Variants in CHIC2 observed in about 807,000 individuals in gnomAD.
The protein encoded by CHIC2 is cysteine-rich hydrophobic domain-containing protein 2.
A neutral mutation model predicts 25.9 loss-of-function variants in CHIC2; 14 were observed. The ratio of observed to expected loss-of-function variants is 0.54; its 90% confidence interval spans 0.36 to 0.85. The LOEUF (loss-of-function observed/expected upper bound fraction) is 0.85, where lower values mean the gene tolerates loss of function less well. CHIC2 is among the 40% of genes least tolerant of loss of function. The probability of loss-of-function intolerance (pLI) is 0.01; values close to 1 mark genes in which losing one functional copy is unlikely to be tolerated. For synonymous variants in CHIC2, 70 were observed against 72.0 expected, an observed-to-expected ratio of 0.97 and a Z score of 0.14; for missense variants, 146 against 202.0, an observed-to-expected ratio of 0.72 and a Z score of 1.68.
At chr4:54,033,032 CAT>C (rs898077415) in intron 3 of CHIC2, among the ~76,000 whole-genome samples, 3 of 152,156 alleles carry the variant, frequency 2.0e-5, no homozygotes, top group African/African-American at 7.2e-5. Context: ...CCTGCTCTGC[CAT>C]ATGAGATGCC....
At chr4:54,068,528 G>T (rs1243191531), upstream of CHIC2, among the ~76,000 whole-genome samples, 3 of 152,206 alleles carry the variant, frequency 2.0e-5, no homozygotes, top group Admixed American at 2.0e-4. Flanking sequence ...CATAGTTTAT[G>T]ATATTTGATT....
At chr4:54,051,625 A>T (rs1717010332) in intron 1 of CHIC2, among the ~76,000 whole-genome samples, 1 of 151,990 alleles carries the variant, frequency 6.6e-6, no homozygotes, top group Admixed American at 6.6e-5. Context: ...GGATTTACTT[A>T]TATATCTTCA....
chr4:54,075,902 C>CAA, the CHIC2 span, among the ~76,000 whole-genome samples: 1 of 152,154 alleles, frequency 6.6e-6, no homozygotes, highest in Non-Finnish European at 1.5e-5. Flanking sequence ...TGTTCATTTG[C>CAA]AATGTCACAT....
the CHIC2 span, among the ~76,000 whole-genome samples, chr4:54,079,678 T>C: frequency 6.6e-6 from 1 of 152,088 alleles, no homozygotes; most frequent in African/African-American, 2.4e-5. Flanking sequence ...TCAGCATTAC[T>C]AATCATCAGG....
chr4:54,044,657 G>A (rs1049507262), intron 3 of CHIC2, among the ~76,000 whole-genome samples: 14 of 152,012 alleles, frequency 9.2e-5, no homozygotes, highest in African/African-American at 3.1e-4. Context: ...AGTGTGTAGA[G>A]GGAAATTTAT....
intron 1 of CHIC2, among the ~76,000 whole-genome samples, chr4:54,056,108 A>AAT (rs1480242854): frequency 2.0e-5 from 3 of 152,308 alleles, no homozygotes; most frequent in African/African-American, 7.2e-5. Flanking sequence ...ATAGTCTTAT[A>AAT]ATAATCTAGC....
chr4:54,064,857 A>G (rs987768135), upstream of CHIC2, among the ~76,000 whole-genome samples: 6 of 151,426 alleles, frequency 4.0e-5, no homozygotes, highest in African/African-American at 1.5e-4. The surrounding 1 kb of genome is among the most constrained non-coding windows in gnomAD (Gnocchi z 4.2). Flanking sequence ...TGGGTGGCGG[A>G]CCCTGGGGGC....
the CHIC2 span, among the ~76,000 whole-genome samples, chr4:54,079,460 A>G: frequency 1.3e-5 from 2 of 152,292 alleles, no homozygotes; most frequent in Admixed American, 1.3e-4. Context: ...CAAAGAAAAC[A>G]AGCAACAAAT....
intron 3 of CHIC2, among the ~76,000 whole-genome samples, chr4:54,026,790 T>C (rs1296511422): frequency 6.6e-6 from 1 of 152,206 alleles, no homozygotes; most frequent in Admixed American, 6.5e-5. Flanking sequence ...TGCCTTTCTC[T>C]TCTTGACTAA....
At chr4:54,022,928 GGTTA>G (rs1383619528) in intron 3 of CHIC2, among the ~76,000 whole-genome samples, 4 of 152,096 alleles carry the variant, frequency 2.6e-5, no homozygotes, top group Admixed American at 6.6e-5. Context: ...AAGTCTTATA[GGTTA>G]GTTCAGGATC....
chr4:54,028,794 A>G (rs1716134745), intron 3 of CHIC2, among the ~76,000 whole-genome samples: 1 of 152,226 alleles, frequency 6.6e-6, no homozygotes, highest in African/African-American at 2.4e-5. Flanking sequence ...TTATAAACTA[A>G]GTGTTTCTAT....
intron 3 of CHIC2, among the ~76,000 whole-genome samples, chr4:54,015,203 C>T (rs1024313505): frequency 1.4e-4 from 21 of 152,112 alleles, no homozygotes; most frequent in Admixed American, 1.2e-3. Context: ...TAATTCATAA[C>T]TACCAATGAA....
At chr4:54,062,422 A>G (rs1252011716) in intron 1 of CHIC2, among the ~76,000 whole-genome samples, 1 of 152,100 alleles carries the variant, frequency 6.6e-6, no homozygotes, top group Non-Finnish European at 1.5e-5. Flanking sequence ...CCTGGGGTGG[A>G]GCAAAGACAA....
Position 54,039,454 on chromosome 4 carries a change from A to G in CHIC2, c.330+9501T>C, listed in dbSNP as rs1399902686. The stretch of plus-strand genomic sequence containing the variant: ...AAAGAGGTACAAATGGCAAATAAGC[A>G]CATGAAAAGGTGCTCAATATCATTA... On this transcript the variant is annotated intron_variant, in intron 3 of 5. Transcript: ENST00000263921. 2.0e-5 allele frequency among the ~76,000 whole-genome samples: 3 copies of G among 152,238 alleles called. No individual in the cohort carries two copies. The East Asian group carries it at 5.8e-4, about 29-fold the overall frequency.
intron 3 of CHIC2, among the ~76,000 whole-genome samples, chr4:54,036,496 C>T (rs544333643): frequency 2.0e-5 from 3 of 152,220 alleles, no homozygotes; most frequent in South Asian, 2.1e-4. Flanking sequence ...AGGTGCCACA[C>T]ACTTTTAAAA....
intron 3 of CHIC2, among the ~76,000 whole-genome samples, chr4:54,047,477 G>T (rs1716867268): frequency 6.6e-6 from 1 of 152,028 alleles, no homozygotes; most frequent in Non-Finnish European, 1.5e-5. Flanking sequence ...CCATAAAAAA[G>T]GATGAGTTCA....
At chr4:54,087,228 C>G in the CHIC2 span, 2 of 627,432 alleles carry the variant, frequency 3.2e-6, no homozygotes, top group East Asian at 2.7e-5. Flanking sequence ...AAGGAAAGAG[C>G]CTGGGCAGAC....
At chr4:54,024,815 A>G (rs961036054) in intron 3 of CHIC2, among the ~76,000 whole-genome samples, 1 of 151,962 alleles carries the variant, frequency 6.6e-6, no homozygotes, top group Non-Finnish European at 1.5e-5. Context: ...TTTTATTCAG[A>G]CCTTCTAACT....
chr4:54,028,118 T>C (rs1282291830), intron 3 of CHIC2, among the ~76,000 whole-genome samples: 1 of 152,186 alleles, frequency 6.6e-6, no homozygotes, highest in East Asian at 1.9e-4. Flanking sequence ...AAAAATCTGC[T>C]AAACAACTAA....
Sources: gnomAD v4.1 joint callset for allele counts (sites outside exome capture counted in the v4.1 genomes callset) on GRCh38, gnomAD v4.1.1 for gene constraint, Gnocchi (gnomAD v3.1) non-coding constraint, MANE v1.5 for transcripts, NCBI Gene and HGNC (gene_info 2026-07-23, HGNC 2026-07-21) for gene names.